Variants in TENT2 observed in about 807,000 individuals in gnomAD.
TENT2 encodes poly(A) RNA polymerase GLD2.
TENT2 carries 44 observed loss-of-function variants against 72.2 expected under a neutral mutation model. That is an observed-to-expected ratio of 0.61 (90% CI 0.48 to 0.78). The LOEUF is 0.78. Among genes scored for constraint, TENT2 ranks in the 30% least tolerant of loss-of-function variants. The pLI, the probability that TENT2 is intolerant of heterozygous loss-of-function variation, is 0.00. For synonymous variants in TENT2, 212 were observed against 192.5 expected (o/e 1.10, Z -0.84); for missense variants, 541 against 569.6 (o/e 0.95, Z 0.51).
At chr5:79,622,752 G>C (rs185156625) in intron 3 of TENT2, among the ~76,000 whole-genome samples, 1 of 152,206 alleles carries the variant, frequency 6.6e-6, no homozygotes, top group African/African-American at 2.4e-5. Flanking sequence ...CTGAGTTGCA[G>C]CTCATTTTTG....
rs111701863 is a variant in TENT2, at chr5:79,683,313, T to TCACACA, written c.1380+1276_1380+1281dup. On this transcript the variant is annotated intron_variant, in intron 14 of 14. Coordinates refer to ENST00000453514, the MANE Select transcript of TENT2 (RefSeq NM_001114394.3). Reference sequence around the variant, plus strand: ...CACACACACACATGCACGCACATGCTCACACACACACACACACACACACAC... The same window carrying TCACACA: ...CACACACACACATGCACGCACATGCTCACACACACACACACACACACACACACACAC... Among the ~76,000 whole-genome samples the TCACACA allele has an allele frequency of 1.0e-3, 146 of 145,740 alleles. 1 individual carries two copies. Among genetic ancestry groups the TCACACA allele is most frequent in the African/African-American group, 2.6e-3 (106 of 40,010 alleles).
chr5:79,646,665 C>A (rs533276620), intron 8 of TENT2, among the ~76,000 whole-genome samples: 11 of 151,604 alleles, frequency 7.3e-5, no homozygotes, highest in Non-Finnish European at 1.5e-4. Context: ...ATAATATTAG[C>A]TAATTATAAG....
chr5:79,656,724 A>G (rs1195316150), intron 10 of TENT2, among the ~76,000 whole-genome samples: 1 of 151,990 alleles, frequency 6.6e-6, no homozygotes, highest in East Asian at 1.9e-4. Context: ...CCATGTGAGG[A>G]ACATTGATTT....
At position 79,649,210 on chromosome 5, in the gene TENT2, A is replaced by G. The variant is rs774343526; in HGVS notation, c.1027+20A>G. 8 of 1,602,534 alleles carry G rather than the reference A, an allele frequency of 5.0e-6. No homozygotes were observed. The highest frequency in any genetic ancestry group is 6.8e-6 in the Non-Finnish European group (8 of 1,172,164). On this transcript the variant is annotated intron_variant, in intron 10 of 14. Transcript: ENST00000453514. ...TACAAAGTAAGTATAATGGGGTTTT[A>G]CCCAATTTTTAAAAGTAAAAGACAG...
intron 10 of TENT2, among the ~76,000 whole-genome samples, chr5:79,652,061 GAA>G (rs1317265651): frequency 6.6e-6 from 1 of 152,018 alleles, no homozygotes; most frequent in East Asian, 1.9e-4. Context: ...AACTCTTTTA[GAA>G]AGCAGTGTTG....
intron 13 of TENT2, among the ~76,000 whole-genome samples, 190 bp downstream of exon 13, chr5:79,679,860 T>G (rs540308930): frequency 1.3e-5 from 2 of 152,316 alleles, no homozygotes; most frequent in Non-Finnish European, 2.9e-5. Context: ...ACATAAACTT[T>G]AGGCATTCAC....
chr5:79,648,952 A>G lies in TENT2; in HGVS notation c.899-110A>G, dbSNP rs537780092. 71 of 1,210,122 alleles carry G rather than the reference A, an allele frequency of 5.9e-5. 1 individual carries two copies. The African/African-American group carries it at 1.0e-3, about 17-fold the overall frequency. The allele number at this position is 1,210,122 out of a possible 1,614,324, so 75.0% of individuals were successfully genotyped here. ...ACAAAGTGAACAGACACAGTGTTTA[A>G]TATACACGGAGACAGTGTTCTTTGT... is the stretch of plus-strand genomic sequence containing the variant. On this transcript the variant is annotated intron_variant, in intron 9 of 14. Transcript: ENST00000453514.
At chr5:79,659,623 T>C (rs1934630014) in intron 11 of TENT2, among the ~76,000 whole-genome samples, 1 of 138,382 alleles carries the variant, frequency 7.2e-6, no homozygotes, top group South Asian at 2.4e-4. Flanking sequence ...GTATCCATTA[T>C]ATATGTCAGC....
At chr5:79,682,138 T>C in intron 14 of TENT2, 77 bp downstream of exon 14, 1 of 926,602 alleles carries the variant, frequency 1.1e-6, no homozygotes. Context: ...ACGTGTGTAG[T>C]AGGACAGAAT....
At position 79,679,032 on chromosome 5, in the gene TENT2, A is replaced by G. The variant is rs544671434; in HGVS notation, c.1209-547A>G. 4.6e-5 allele frequency among the ~76,000 whole-genome samples: 7 copies of G among 152,186 alleles called. 1 individual carries two copies. In the South Asian group the frequency reaches 1.5e-3, roughly 32 times the overall value. On this transcript the variant is annotated intron_variant, in intron 12 of 14. Coordinates refer to ENST00000453514, the MANE Select transcript of TENT2 (RefSeq NM_001114394.3). ...GCGATTCCCCTGCCTCAGCCTCCTG[A>G]GTAGCTGGGACTACAGGTGCACGCT...
intron 10 of TENT2, among the ~76,000 whole-genome samples, chr5:79,654,982 C>T (rs1580477606): frequency 6.6e-6 from 1 of 152,142 alleles, no homozygotes; most frequent in Non-Finnish European, 1.5e-5. Context: ...CAAGGCATTA[C>T]CTATTAATCA....
intron 12 of TENT2, among the ~76,000 whole-genome samples, chr5:79,675,382 T>C (rs565212629): frequency 1.3e-5 from 2 of 152,296 alleles, no homozygotes; most frequent in East Asian, 3.9e-4. Flanking sequence ...TTTAGGTTTT[T>C]AGTGAAATGA....
At chr5:79,630,820 T>G (rs1420593432) in intron 4 of TENT2, among the ~76,000 whole-genome samples, 5 of 150,088 alleles carry the variant, frequency 3.3e-5, no homozygotes, top group Admixed American at 2.0e-4. Flanking sequence ...TATTCAGGTT[T>G]TTTTTTTTTT....
intron 11 of TENT2, among the ~76,000 whole-genome samples, chr5:79,666,604 C>T (rs1808266534): frequency 6.6e-6 from 1 of 152,014 alleles, no homozygotes; most frequent in South Asian, 2.1e-4. Context: ...GTTGCCTAAG[C>T]TGGTCTCAAA....
At chr5:79,647,022 G>A (rs1789615591) in intron 8 of TENT2, among the ~76,000 whole-genome samples, 1 of 152,028 alleles carries the variant, frequency 6.6e-6, no homozygotes, top group Non-Finnish European at 1.5e-5. Context: ...TTCTACCTTA[G>A]CCTCCCAAAG....
intron 1 of TENT2, among the ~76,000 whole-genome samples, chr5:79,618,000 T>A (rs1353625979): frequency 2.0e-5 from 3 of 152,204 alleles, no homozygotes; most frequent in African/African-American, 7.2e-5. Flanking sequence ...GCATTTTTTT[T>A]GTTTTATTTA....
At chr5:79,624,946 G>GT (rs1230350444) in intron 4 of TENT2, among the ~76,000 whole-genome samples, 2 of 152,192 alleles carry the variant, frequency 1.3e-5, no homozygotes, top group African/African-American at 4.8e-5. Flanking sequence ...GTAGCTCTGT[G>GT]TTTAACTTTG....
chr5:79,616,718 C>T (rs1206780076), intron 1 of TENT2, among the ~76,000 whole-genome samples: 2 of 152,134 alleles, frequency 1.3e-5, no homozygotes, highest in African/African-American at 2.4e-5. Flanking sequence ...GGAAATATGA[C>T]AGGATTATTT....
At chr5:79,620,141 T>G in intron 3 of TENT2, 58 bp downstream of exon 3, 2 of 1,168,498 alleles carry the variant, frequency 1.7e-6, no homozygotes, top group Non-Finnish European at 2.5e-6. Context: ...AACTCTGTAA[T>G]GATGTATCTT....
Sources: allele counts gnomAD v4.1 joint callset (sites outside exome capture counted in the v4.1 genomes callset), GRCh38; gene constraint gnomAD v4.1.1; transcripts MANE v1.5; gene names NCBI Gene and HGNC (gene_info 2026-07-23, HGNC 2026-07-21).